Variants in DYTN observed in about 807,000 individuals in gnomAD.
The protein encoded by DYTN is dystrotelin.
Under a neutral mutation model 69.6 loss-of-function variants are expected in DYTN, and 75 were observed. The observed-to-expected ratio is 1.08, with a 90% CI of 0.89 to 1.31. The LOEUF is 1.31. Ranked by LOEUF, DYTN falls within the 50% of genes most tolerant of loss-of-function variation. The pLI is 0.00. For synonymous variants in DYTN, 252 were observed against 249.1 expected, an observed-to-expected ratio of 1.01 and a Z score of -0.11; for missense variants, 726 against 688.4, an observed-to-expected ratio of 1.05 and a Z score of -0.61.
chr2:206,681,944 A>C (rs112079215), intron 9 of DYTN, among the ~76,000 whole-genome samples: 5,134 of 152,308 alleles, frequency 0.034, 112 homozygotes, highest in Middle Eastern at 0.065. Flanking sequence ...TAGTTTCAGA[A>C]GGAATGGTAC....
At chr2:206,691,172 G>A (rs1699857924) in intron 9 of DYTN, among the ~76,000 whole-genome samples, 6 of 152,120 alleles carry the variant, frequency 3.9e-5, no homozygotes, top group Admixed American at 3.9e-4. Context: ...CAGCACTTTG[G>A]GAGGCCAAGA....
At chr2:206,711,429 C>T (rs1365998641) in intron 1 of DYTN, among the ~76,000 whole-genome samples, 1 of 152,090 alleles carries the variant, frequency 6.6e-6, no homozygotes, top group Non-Finnish European at 1.5e-5. Flanking sequence ...AAAGTAGTTA[C>T]TTTTGATCTT....
chr2:206,690,685 G>A (rs371006397), intron 9 of DYTN, among the ~76,000 whole-genome samples: 4 of 152,368 alleles, frequency 2.6e-5, no homozygotes, highest in African/African-American at 9.6e-5. Context: ...TATGAGCCAG[G>A]TGTTGGAGTT....
intron 9 of DYTN, among the ~76,000 whole-genome samples, chr2:206,667,094 A>G (rs1699581648): frequency 6.6e-6 from 1 of 152,138 alleles, no homozygotes; most frequent in East Asian, 1.9e-4. Flanking sequence ...ATTCTTTAAA[A>G]CAAAAGTCAA....
intron 8 of DYTN, among the ~76,000 whole-genome samples, chr2:206,693,937 T>G (rs1184949348): frequency 6.6e-6 from 1 of 152,182 alleles, no homozygotes; most frequent in Non-Finnish European, 1.5e-5. Context: ...CCTGAGGACC[T>G]GGGTAAGGCA....
At chr2:206,685,222 C>G (rs942836083) in intron 9 of DYTN, among the ~76,000 whole-genome samples, 7 of 151,894 alleles carry the variant, frequency 4.6e-5, no homozygotes, top group African/African-American at 1.7e-4. Context: ...AGTGCAGCAG[C>G]GCAATCACTG....
intron 11 of DYTN, among the ~76,000 whole-genome samples, chr2:206,654,132 C>G (rs1412308925): frequency 1.3e-5 from 2 of 152,200 alleles, no homozygotes; most frequent in African/African-American, 4.8e-5. Flanking sequence ...CTTCATGGAG[C>G]TTAAATGCTG....
In DYTN at chr2:206,705,868, C is replaced by G; in HGVS notation, c.302G>C (p.Gly101Ala). Residue 101 changes from glycine (G) to alanine (A), a missense_variant, in exon 4 of 12, where the codon GGA (glycine) becomes GCA (alanine). Gly to Ala is a moderately conservative substitution (Grantham distance 60). Transcript: ENST00000452335. ...SLLTTMYNSK[G>A]TGFLQLMPAA... ...AGGCATAAGCTGGAGAAAACCTGTT[C>G]CTTTGCTGCACAGTAACAAAATACA... 1 of 1,613,628 alleles carries G rather than the reference C, an allele frequency of 6.2e-7. No homozygotes were observed. The highest frequency in any genetic ancestry group is 8.5e-7 in the Non-Finnish European group (1 of 1,179,750).
chr2:206,681,129 G>A (rs377582640), intron 9 of DYTN, among the ~76,000 whole-genome samples: 1 of 152,092 alleles, frequency 6.6e-6, no homozygotes, highest in South Asian at 2.1e-4. Flanking sequence ...TATTCTCTTT[G>A]TAGTAATTGT....
At chr2:206,654,023 T>C (rs562294889) in intron 11 of DYTN, among the ~76,000 whole-genome samples, 1 of 152,364 alleles carries the variant, frequency 6.6e-6, no homozygotes, top group South Asian at 2.1e-4. Flanking sequence ...AAATGCCCAG[T>C]GCAAGCACAG....
Position 206,699,880 on chromosome 2 carries a change from G to A in DYTN, c.566C>T (p.Pro189Leu). ...TRSCFQGVLS[P>L]AIKEEKFLSW... ...CAGGAATTTTTCTTCTTTGATTGCT[G>A]GGCTCAACACCTGAAAAACAATGGC... Residue 189 changes from proline (P) to leucine (L), a missense_variant, in exon 7 of 12, where the codon CCA becomes CTA. Pro to Leu is a moderately conservative substitution (Grantham distance 98). Transcript: ENST00000452335. The A allele has an allele frequency of 6.2e-7, 1 of 1,612,902 alleles. No homozygotes were observed.
chr2:206,693,591 G>C (rs765862109), intron 8 of DYTN, among the ~76,000 whole-genome samples: 1 of 152,136 alleles, frequency 6.6e-6, no homozygotes, highest in Non-Finnish European at 1.5e-5. Context: ...ACCTAGAGGA[G>C]GGCATCAAAG....
intron 7 of DYTN, among the ~76,000 whole-genome samples, chr2:206,697,720 G>A (rs1473418791): frequency 2.6e-5 from 4 of 152,200 alleles, no homozygotes; most frequent in Admixed American, 6.5e-5. Context: ...AGGTCTCCTA[G>A]CTCTTTGTAT....
intron 9 of DYTN, among the ~76,000 whole-genome samples, chr2:206,678,161 G>T (rs6760188): frequency 0.14 from 21,185 of 152,166 alleles, 2,471 homozygotes; most frequent in African/African-American, 0.32. Context: ...ACGGCAGCAG[G>T]TGCTGATGAA....
chr2:206,712,984 C>A (rs1700091181), intron 1 of DYTN, among the ~76,000 whole-genome samples: 1 of 152,196 alleles, frequency 6.6e-6, no homozygotes, highest in South Asian at 2.1e-4. Flanking sequence ...GGCTGTGTAG[C>A]TTGCGAATGA....
At chr2:206,667,693 TGTGC>T (rs1369872418) in intron 9 of DYTN, among the ~76,000 whole-genome samples, 2 of 136,056 alleles carry the variant, frequency 1.5e-5, no homozygotes, top group African/African-American at 5.9e-5. Flanking sequence ...CAACTTTGCG[TGTGC>T]GTGTGTGTGT....
chr2:206,660,776 A>G (rs890773901), intron 11 of DYTN, among the ~76,000 whole-genome samples: 9 of 152,100 alleles, frequency 5.9e-5, no homozygotes, highest in African/African-American at 1.7e-4. Flanking sequence ...CTCCAACTCA[A>G]TTTACTGTAG....
chr2:206,708,246 G>A (rs950604487), intron 2 of DYTN, among the ~76,000 whole-genome samples: 20 of 152,090 alleles, frequency 1.3e-4, no homozygotes, highest in African/African-American at 4.6e-4. Flanking sequence ...GAATGTAATA[G>A]AGCTAACCCC....
intron 1 of DYTN, among the ~76,000 whole-genome samples, chr2:206,713,716 G>A (rs11887929): frequency 0.55 from 83,485 of 152,020 alleles, 24,137 homozygotes; most frequent in East Asian, 0.96. Flanking sequence ...CATCTCTAGT[G>A]TTTCCGGTGA....
Sources: allele counts gnomAD v4.1 joint callset (sites outside exome capture counted in the v4.1 genomes callset), GRCh38; gene constraint gnomAD v4.1.1; transcripts MANE v1.5; gene names NCBI Gene and HGNC (gene_info 2026-07-23, HGNC 2026-07-21).